Variants in FGF12 observed in about 807,000 individuals in gnomAD.
The protein encoded by FGF12 is fibroblast growth factor 12.
Under a neutral mutation model 23.6 loss-of-function variants are expected in FGF12, and 14 were observed. The ratio of observed to expected loss-of-function variants is 0.59; its 90% confidence interval spans 0.39 to 0.93. FGF12 has a LOEUF of 0.93. Ranked by LOEUF, FGF12 falls within the 40% of genes least tolerant of loss-of-function variation. The pLI, the probability that FGF12 is intolerant of heterozygous loss-of-function variation, is 0.00. For synonymous variants in FGF12, 62 were observed against 77.3 expected, an observed-to-expected ratio of 0.80 and a Z score of 1.04; for missense variants, 175 against 217.8, an observed-to-expected ratio of 0.80 and a Z score of 1.24.
At chr3:192,332,745 G>C (rs1330128767) in intron 4 of FGF12, among the ~76,000 whole-genome samples, 1 of 152,028 alleles carries the variant, frequency 6.6e-6, no homozygotes, top group Non-Finnish European at 1.5e-5. Context: ...AGCTTATGTA[G>C]GTCCTCTTAG....
rs562033561 is a variant in FGF12, at chr3:192,304,043, T to C, written c.228+31318A>G. Among the ~76,000 whole-genome samples the C allele has an allele frequency of 3.3e-5, 5 of 152,318 alleles. No homozygotes were observed. The East Asian group carries it at 9.7e-4, about 29-fold the overall frequency. On this transcript the variant is annotated intron_variant, in intron 4 of 5. Coordinates refer to ENST00000445105, the MANE Select transcript of FGF12 (RefSeq NM_004113.6). Reference sequence around the variant, plus strand: ...GCTAGGACGTGATTCAGGGACTGGCTGTGAAGACTGTAGTAAGCACTCAAA... The same window carrying C: ...GCTAGGACGTGATTCAGGGACTGGCCGTGAAGACTGTAGTAAGCACTCAAA...
chr3:192,714,468 A>G (rs75618553), intron 2 of FGF12, among the ~76,000 whole-genome samples: 8,303 of 150,712 alleles, frequency 0.055, 428 homozygotes, highest in East Asian at 0.19. Flanking sequence ...CATAGTTTTT[A>G]GTCTGTTATA....
intron 4 of FGF12, among the ~76,000 whole-genome samples, chr3:192,243,105 C>G (rs1280932889): frequency 6.6e-6 from 1 of 151,872 alleles, no homozygotes; most frequent in East Asian, 1.9e-4. Context: ...CTGAGGTAAT[C>G]AAAACAATAC....
chr3:192,206,822 C>T (rs1195595926), intron 4 of FGF12, among the ~76,000 whole-genome samples: 1 of 152,070 alleles, frequency 6.6e-6, no homozygotes, highest in Non-Finnish European at 1.5e-5. Flanking sequence ...GTGTCTGTAT[C>T]CAACTCTAAA....
intron 4 of FGF12, among the ~76,000 whole-genome samples, chr3:192,286,582 C>T (rs751970715): frequency 5.9e-5 from 9 of 151,884 alleles, no homozygotes; most frequent in African/African-American, 1.4e-4. Flanking sequence ...AATGTTAAAT[C>T]GTCTCCCAAA....
rs1425028253 is a variant in FGF12, at chr3:192,639,367, C to T, written c.13+87814G>A. ...CACTATTGGTGGAAATGTGGATTAA[C>T]GTAACCATTATCGAAAGCAGTATGG... On this transcript the variant is annotated intron_variant, in intron 2 of 5. Coordinates refer to ENST00000445105, the MANE Select transcript of FGF12 (RefSeq NM_004113.6). 4.6e-5 allele frequency among the ~76,000 whole-genome samples: 7 copies of T among 152,178 alleles called. No individual in the cohort carries two copies. The East Asian group carries it at 5.8e-4, about 13-fold the overall frequency.
At chr3:192,550,077 T>C (rs1725593712) in intron 2 of FGF12, among the ~76,000 whole-genome samples, 1 of 151,914 alleles carries the variant, frequency 6.6e-6, no homozygotes, top group Non-Finnish European at 1.5e-5. Flanking sequence ...ACACTCACAC[T>C]TATATATGTG....
chr3:192,600,786 T>C (rs1355777457), intron 2 of FGF12, among the ~76,000 whole-genome samples: 1 of 151,868 alleles, frequency 6.6e-6, no homozygotes, highest in Non-Finnish European at 1.5e-5. Context: ...TAATCAAAAA[T>C]ACAGAAAATA....
chr3:192,326,736 C>G (rs957599994), intron 4 of FGF12, among the ~76,000 whole-genome samples: 1 of 152,164 alleles, frequency 6.6e-6, no homozygotes, highest in Non-Finnish European at 1.5e-5. Context: ...TGTTGGAACA[C>G]TGTAGTATGG....
At chr3:192,543,363 G>C (rs527742071) in intron 2 of FGF12, among the ~76,000 whole-genome samples, 55 of 151,954 alleles carry the variant, frequency 3.6e-4, no homozygotes, top group African/African-American at 1.2e-3. Context: ...CAGTCAGCAT[G>C]TTGGTGAATG....
At chr3:192,211,917 C>T (rs887295931) in intron 4 of FGF12, among the ~76,000 whole-genome samples, 8 of 152,172 alleles carry the variant, frequency 5.3e-5, no homozygotes, top group Non-Finnish European at 8.8e-5. Flanking sequence ...TAGGAAAACA[C>T]GAAAGTTTAG....
chr3:192,301,711 G>A (rs1297405663), intron 4 of FGF12, among the ~76,000 whole-genome samples: 1 of 152,162 alleles, frequency 6.6e-6, no homozygotes, highest in African/African-American at 2.4e-5. Context: ...GGAGGAGCAT[G>A]TAGAAAAAGA....
At chr3:192,309,426 G>A (rs543858821) in intron 4 of FGF12, among the ~76,000 whole-genome samples, 30 of 152,148 alleles carry the variant, frequency 2.0e-4, no homozygotes, top group Non-Finnish European at 4.4e-5. Flanking sequence ...GTGGGTGATG[G>A]GGGTGAGAGA....
chr3:192,452,587 T>G (rs771391124), intron 2 of FGF12, among the ~76,000 whole-genome samples: 1 of 152,242 alleles, frequency 6.6e-6, no homozygotes, highest in Non-Finnish European at 1.5e-5. Context: ...GATAATTTTG[T>G]TGAGTTCAAA....
chr3:192,488,821 C>T (rs779758177), intron 2 of FGF12, among the ~76,000 whole-genome samples: 7 of 152,026 alleles, frequency 4.6e-5, no homozygotes, highest in Non-Finnish European at 1.0e-4. Context: ...GCAATACATA[C>T]TTCGGCTTTG....
chr3:192,699,310 T>C (rs1718222408), intron 2 of FGF12, among the ~76,000 whole-genome samples: 1 of 152,118 alleles, frequency 6.6e-6, no homozygotes, highest in South Asian at 2.1e-4. Context: ...TCTTTAAACT[T>C]ATCTACTCTT....
intron 4 of FGF12, among the ~76,000 whole-genome samples, chr3:192,321,495 CA>C (rs34526901): frequency 0.036 from 3,946 of 109,624 alleles, 141 homozygotes; most frequent in African/African-American, 0.099. Flanking sequence ...TAAAGACATT[CA>C]AAAAAAAAAA....
At position 192,509,730 on chromosome 3, in the gene FGF12, C is replaced by T. The variant is rs563539142; in HGVS notation, c.14-149192G>A. On this transcript the variant is annotated intron_variant, in intron 2 of 5. Transcript: ENST00000445105. ...AACTAGAATGGTAATAACAAAACCT[C>T]ATAATTTGGTATGCTAAGCTAATTA... Among the ~76,000 whole-genome samples, 22 of 152,274 alleles carry T rather than the reference C, an allele frequency of 1.4e-4. 1 individual carries two copies. Among genetic ancestry groups the T allele is most frequent in the Admixed American group, 1.4e-3 (21 of 15,288 alleles).
intron 2 of FGF12, among the ~76,000 whole-genome samples, chr3:192,422,878 G>A (rs1290792139): frequency 6.6e-6 from 1 of 152,140 alleles, no homozygotes; most frequent in Non-Finnish European, 1.5e-5. Context: ...TCTGGTGCTA[G>A]TGATGGCTAT....
Sources: gnomAD v4.1 joint callset for allele counts (sites outside exome capture counted in the v4.1 genomes callset) on GRCh38, gnomAD v4.1.1 for gene constraint, MANE v1.5 for transcripts, NCBI Gene and HGNC (gene_info 2026-07-23, HGNC 2026-07-21) for gene names.